The following TVP23A variants were observed in gnomAD, a reference collection of about 807,000 sequenced individuals.
TVP23A encodes the protein Golgi apparatus membrane protein TVP23 homolog A.
Under a neutral mutation model 31.7 loss-of-function variants are expected in TVP23A, and 21 were observed. The observed-to-expected ratio is 0.66, with a 90% CI of 0.47 to 0.95. The LOEUF (loss-of-function observed/expected upper bound fraction) is 0.95, where lower values mean the gene tolerates loss of function less well. Among genes scored for constraint, TVP23A ranks in the 40% least tolerant of loss-of-function variants. The pLI is 0.00. For synonymous variants in TVP23A, 104 were observed against 96.0 expected (o/e 1.08, Z -0.49); for missense variants, 279 against 255.6 (o/e 1.09, Z -0.62).
chr16:10,763,375 T>C (rs2030318675), downstream of TVP23A, among the ~76,000 whole-genome samples: 1 of 152,002 alleles, frequency 6.6e-6, no homozygotes, highest in Admixed American at 6.6e-5. Flanking sequence ...CGAGGGCCAC[T>C]CTGAAGATGG....
chr16:10,770,884 A>AAAAAAAAAAAAAAAAAAAAAAAAAG (rs2031556722), intron 6 of TVP23A, among the ~76,000 whole-genome samples: 1 of 151,312 alleles, frequency 6.6e-6, no homozygotes, highest in African/African-American at 2.4e-5. Flanking sequence ...AAAAAAAAAA[A>AAAAAAAAAAAAAAAAAAAAAAAAAG]AAAAAAAAAA....
chr16:10,797,545 T>C (rs1596547887), intron 2 of TVP23A, among the ~76,000 whole-genome samples: 2 of 136,076 alleles, frequency 1.5e-5, no homozygotes, highest in South Asian at 4.4e-4. Context: ...AGGAAGAAAC[T>C]TCATCTCAAA....
At chr16:10,761,586 G>T in intron 8 of TVP23A, 1 of 1,066,678 alleles carries the variant, frequency 9.4e-7, no homozygotes. Flanking sequence ...TTTGGGAAGT[G>T]GAATCACAAT....
chr16:10,788,351 T>C (rs2032894015), intron 2 of TVP23A, among the ~76,000 whole-genome samples: 1 of 151,944 alleles, frequency 6.6e-6, no homozygotes, highest in African/African-American at 2.4e-5. Context: ...CTCAGCTCAC[T>C]ACAACCTCCA....
Position 10,807,157 on chromosome 16 carries a change from G to C in TVP23A, c.89+10946C>G, listed in dbSNP as rs186566345. 6.6e-5 allele frequency among the ~76,000 whole-genome samples: 10 copies of C among 152,298 alleles called. No individual in the cohort carries two copies. In the East Asian group the frequency reaches 1.7e-3, roughly 26 times the overall value. On this transcript the variant is annotated intron_variant, in intron 2 of 7. Coordinates refer to ENST00000299866, the MANE Select transcript of TVP23A (RefSeq NM_001079512.4). ...AAGGGGTCCTCACTCATTGAGGTGAGCAGAACTCCTGGAAAATCAACAAAG... is the reference window on the plus strand; with the variant it reads ...AAGGGGTCCTCACTCATTGAGGTGACCAGAACTCCTGGAAAATCAACAAAG...
intron 2 of TVP23A, among the ~76,000 whole-genome samples, chr16:10,792,777 C>G (rs1355136901): frequency 6.6e-6 from 1 of 152,196 alleles, no homozygotes; most frequent in Non-Finnish European, 1.5e-5. Context: ...CTTCTTAATT[C>G]AAAAGACAGC....
intron 2 of TVP23A, among the ~76,000 whole-genome samples, chr16:10,792,972 T>C (rs536345317): frequency 7.5e-4 from 114 of 152,314 alleles, no homozygotes; most frequent in Non-Finnish European, 1.0e-3. Context: ...TTCCTCTTGT[T>C]TCTGTTCTTT....
rs202049895 is a variant in TVP23A at position 10,805,430 on chromosome 16, GA to G, written c.89+12672del. Among the ~76,000 whole-genome samples the G allele has an allele frequency of 8.4e-4, 128 of 151,884 alleles. No individual in the cohort carries two copies. The East Asian group carries it at 0.019, about 23-fold the overall frequency. ...ACCGGAGGCTTGGAGTCAGTTGGCT[GA>G]CTGTCACTTTGCAACTTTTATTCTA... On this transcript the variant is annotated intron_variant, in intron 2 of 7. Coordinates refer to ENST00000299866, the MANE Select transcript of TVP23A (RefSeq NM_001079512.4).
At position 10,818,106 on chromosome 16, in the gene TVP23A, A is replaced by G; in HGVS notation, c.86T>C (p.Ile29Thr). ...EEELAFRKAK[I>T]RHPLATFFHL... is the part of the protein sequence containing the mutation. ...CCCAAGCTCCATCCCAACACACCTG[A>G]TCTTGGCTTTCCTAAAGGCCAGCTC... is the stretch of plus-strand genomic sequence containing the variant. The change falls in exon 2 of 8, where the codon ATC becomes ACC. Residue 29 changes from isoleucine (I) to threonine (T), a missense_variant. By Grantham distance (89) the Ile-to-Thr change is moderately conservative (BLOSUM62 -1). Transcript: ENST00000299866. This position sits in a 1 kb window ranked among gnomAD's most constrained non-coding sequence, Gnocchi z 4.7. 1 of 1,607,706 alleles carries G rather than the reference A, an allele frequency of 6.2e-7. No individual in the cohort carries two copies. Among genetic ancestry groups the G allele is most frequent in the Non-Finnish European group, 8.5e-7 (1 of 1,177,296 alleles).
intron 2 of TVP23A, among the ~76,000 whole-genome samples, chr16:10,811,958 A>G (rs1351811644): frequency 6.6e-6 from 1 of 151,994 alleles, no homozygotes; most frequent in Non-Finnish European, 1.5e-5. Flanking sequence ...CATTAAACCT[A>G]AAAACTTTTG....
chr16:10,765,675 C>T (rs1282322067), downstream of TVP23A, among the ~76,000 whole-genome samples: 1 of 152,226 alleles, frequency 6.6e-6, no homozygotes, highest in East Asian at 1.9e-4. This position sits in a 1 kb window ranked among gnomAD's most constrained non-coding sequence, Gnocchi z 4.0. Context: ...ATCTTCCCAC[C>T]TCCCTCACAC....
chr16:10,805,987 CACAGGACAG>C (rs2033923515), intron 2 of TVP23A, among the ~76,000 whole-genome samples: 1 of 152,156 alleles, frequency 6.6e-6, no homozygotes, highest in Non-Finnish European at 1.5e-5. Context: ...TCCTATGATA[CACAGGACAG>C]ATAATGACCT....
At chr16:10,795,242 T>C (rs2033321504) in intron 2 of TVP23A, among the ~76,000 whole-genome samples, 1 of 148,534 alleles carries the variant, frequency 6.7e-6, no homozygotes, top group African/African-American at 2.6e-5. Flanking sequence ...TCCATGAGTT[T>C]ATATGATGCT....
At chr16:10,792,758 T>C (rs942636395) in intron 2 of TVP23A, among the ~76,000 whole-genome samples, 8 of 152,268 alleles carry the variant, frequency 5.3e-5, no homozygotes, top group African/African-American at 1.4e-4. Flanking sequence ...ATCATCCTTC[T>C]GAAACGGGCT....
At chr16:10,817,086 G>A (rs1018875998) in intron 2 of TVP23A, among the ~76,000 whole-genome samples, 1 of 152,082 alleles carries the variant, frequency 6.6e-6, no homozygotes, top group East Asian at 1.9e-4. Context: ...GCAAAGAATG[G>A]ATTTTCCCCT....
At chr16:10,781,576 C>T (rs748435143) in intron 2 of TVP23A, among the ~76,000 whole-genome samples, 2 of 152,138 alleles carry the variant, frequency 1.3e-5, no homozygotes, top group Admixed American at 6.6e-5. Flanking sequence ...GGAGGTCTCA[C>T]GTTGTGCACA....
At chr16:10,808,431 G>T in intron 2 of TVP23A, 2 of 436,016 alleles carry the variant, frequency 4.6e-6, no homozygotes, top group South Asian at 3.2e-5. Flanking sequence ...GTGATTTCCT[G>T]TAGTGTCTGA....
rs1173124375 is a variant in TVP23A at position 10,767,539 on chromosome 16, C to G, written c.*1563G>C. 2.2e-6 allele frequency: 1 copy of G among 445,328 alleles called. No individual in the cohort carries two copies. Among genetic ancestry groups the G allele is most frequent in the Non-Finnish European group, 3.9e-6 (1 of 254,912 alleles). 27.6% of individuals were successfully genotyped at this position (445,328 alleles called of 1,614,324 possible). A position where few individuals can be genotyped will look rare whatever the true frequency, so the allele number is the denominator to read the frequency against. ...GCGCATAATCTTTCTGGAAAGACAC[C>G]TAGAACACTAGTAGCCCTTTTCGGA... On this transcript the variant is annotated 3_prime_UTR_variant, in exon 8 of 8. Transcript: ENST00000299866. The surrounding 1 kb of genome is among the most constrained non-coding windows in gnomAD (Gnocchi z 4.6).
At chr16:10,795,009 G>A (rs2033308697) in intron 2 of TVP23A, among the ~76,000 whole-genome samples, 1 of 152,040 alleles carries the variant, frequency 6.6e-6, no homozygotes, top group Non-Finnish European at 1.5e-5. Context: ...CTGGAGAAAT[G>A]GCAGATTCCA....
Sources: gnomAD v4.1 joint callset for allele counts (sites outside exome capture counted in the v4.1 genomes callset) on GRCh38, gnomAD v4.1.1 for gene constraint, Gnocchi (gnomAD v3.1) non-coding constraint, MANE v1.5 for transcripts, NCBI Gene and HGNC (gene_info 2026-07-23, HGNC 2026-07-21) for gene names.